The following PARD3B variants were observed in gnomAD, a reference collection of about 807,000 sequenced individuals.
PARD3B encodes par-3 family cell polarity regulator beta.
In PARD3B, 103 loss-of-function variants were observed where a neutral mutation model predicts 130.2. The observed-to-expected ratio is 0.79, with a 90% confidence interval of 0.67 to 0.93. The LOEUF is 0.93. Ranked by LOEUF, PARD3B falls within the 40% of genes least tolerant of loss-of-function variation. The probability of loss-of-function intolerance (pLI) is 0.00; values close to 1 mark genes in which losing one functional copy is unlikely to be tolerated. For synonymous variants in PARD3B, 583 were observed against 553.2 expected, an observed-to-expected ratio of 1.05 and a Z score of -0.76; for missense variants, 1,609 against 1,499.2, an observed-to-expected ratio of 1.07 and a Z score of -1.21.
intron 20 of PARD3B, among the ~76,000 whole-genome samples, chr2:205,466,248 A>G (rs943141821): frequency 6.6e-6 from 1 of 152,230 alleles, no homozygotes; most frequent in Non-Finnish European, 1.5e-5. Context: ...ACATGCAGCA[A>G]ATCTTTTTAT....
intron 2 of PARD3B, among the ~76,000 whole-genome samples, chr2:204,691,697 T>G (rs1189019197): frequency 6.6e-6 from 1 of 152,116 alleles, no homozygotes; most frequent in Admixed American, 6.6e-5. Context: ...ACTATGGTAG[T>G]GCTATTACAG....
chr2:205,047,081 C>T (rs1242980550), intron 3 of PARD3B, among the ~76,000 whole-genome samples: 4 of 152,120 alleles, frequency 2.6e-5, no homozygotes, highest in African/African-American at 9.7e-5. Context: ...TCTTTGTGTA[C>T]TTAAATAGGC....
chr2:204,955,973 A>G lies in PARD3B; in HGVS notation c.223-9179A>G, dbSNP rs142642016. 2.6e-5 allele frequency among the ~76,000 whole-genome samples: 4 copies of G among 152,240 alleles called. No individual in the cohort carries two copies. The East Asian group carries it at 5.8e-4, about 22-fold the overall frequency. ...AAAGTTTGACAATGTATGATGAAGA[A>G]CTTGAAGCTGGGCCAAGACCACACC... On this transcript the variant is annotated intron_variant, in intron 2 of 22. Coordinates refer to ENST00000406610, the MANE Select transcript of PARD3B (RefSeq NM_001302769.2).
At chr2:205,386,644 TAAGTA>T (rs1484029061) in intron 18 of PARD3B, among the ~76,000 whole-genome samples, 1 of 98,402 alleles carries the variant, frequency 1.0e-5, no homozygotes, top group Non-Finnish European at 2.0e-5. Context: ...AAACTTTAAT[TAAGTA>T]GAGTTTTTTT....
intron 2 of PARD3B, among the ~76,000 whole-genome samples, chr2:204,825,062 A>C (rs1036212366): frequency 1.3e-5 from 2 of 152,200 alleles, no homozygotes; most frequent in African/African-American, 4.8e-5. Context: ...AACCTGGGGC[A>C]AAAAATTAGA....
chr2:205,149,645 T>C (rs1054709574), intron 10 of PARD3B, among the ~76,000 whole-genome samples: 3 of 152,208 alleles, frequency 2.0e-5, no homozygotes, highest in Non-Finnish European at 4.4e-5. Context: ...CTCAGAGATA[T>C]CTGGCATCCC....
chr2:205,607,287 T>C (rs921343467), intron 22 of PARD3B, among the ~76,000 whole-genome samples: 9 of 152,076 alleles, frequency 5.9e-5, no homozygotes, highest in African/African-American at 2.2e-4. Flanking sequence ...TCCTGTTTTT[T>C]AGAAATGTGT....
chr2:205,135,944 C>A (rs1355381480), intron 10 of PARD3B, among the ~76,000 whole-genome samples: 1 of 152,070 alleles, frequency 6.6e-6, no homozygotes, highest in East Asian at 1.9e-4. Flanking sequence ...ATGTTTTATC[C>A]CAAATGTTAA....
intron 21 of PARD3B, among the ~76,000 whole-genome samples, chr2:205,508,555 G>A (rs1220601451): frequency 1.4e-5 from 2 of 140,558 alleles, no homozygotes; most frequent in Admixed American, 7.5e-5. Flanking sequence ...TCGGGCAACA[G>A]AGCAAGACCC....
At chr2:204,951,932 C>G (rs947298821) in intron 2 of PARD3B, among the ~76,000 whole-genome samples, 12 of 152,102 alleles carry the variant, frequency 7.9e-5, no homozygotes, top group Non-Finnish European at 1.2e-4. Flanking sequence ...AGTTTTTAAT[C>G]CTTGGTAATT....
intron 1 of PARD3B, among the ~76,000 whole-genome samples, chr2:204,572,948 G>A (rs530355760): frequency 4.6e-5 from 7 of 152,272 alleles, no homozygotes; most frequent in Non-Finnish European, 7.4e-5. Context: ...GGGAAATTGG[G>A]ATTTCAGAAG....
At chr2:205,047,243 G>A (rs1402823119) in intron 3 of PARD3B, among the ~76,000 whole-genome samples, 1 of 152,130 alleles carries the variant, frequency 6.6e-6, no homozygotes, top group African/African-American at 2.4e-5. Flanking sequence ...TCGTCTCCTG[G>A]ATAATCATTC....
At chr2:204,807,651 C>T (rs1182195211) in intron 2 of PARD3B, among the ~76,000 whole-genome samples, 1 of 152,046 alleles carries the variant, frequency 6.6e-6, no homozygotes, top group Non-Finnish European at 1.5e-5. Flanking sequence ...GTGCATTATT[C>T]AGCCATAAAA....
intron 2 of PARD3B, among the ~76,000 whole-genome samples, chr2:204,912,380 A>G (rs1372164161): frequency 6.6e-6 from 1 of 152,186 alleles, no homozygotes; most frequent in Non-Finnish European, 1.5e-5. Context: ...AATAAAGTAC[A>G]CAGCTGACCT....
At position 204,668,118 on chromosome 2, in the gene PARD3B, A is replaced by G. The variant is rs139961156; in HGVS notation, c.121-18063A>G. Among the ~76,000 whole-genome samples, 512 of 152,218 alleles carry G rather than the reference A, an allele frequency of 3.4e-3. 2 individuals are homozygous for G. Among genetic ancestry groups the G allele is most frequent in the African/African-American group, 0.012 (480 of 41,542 alleles). The stretch of plus-strand genomic sequence containing the variant: ...TGGAGGCATTCTAATCATTTCCCCA[A>G]TCTGAAAGGACTGAATAAGCAGGAG... On this transcript the variant is annotated intron_variant, in intron 1 of 22. Coordinates refer to ENST00000406610, the MANE Select transcript of PARD3B (RefSeq NM_001302769.2).
At chr2:205,371,628 A>T (rs2044821026) in intron 18 of PARD3B, among the ~76,000 whole-genome samples, 2 of 152,322 alleles carry the variant, frequency 1.3e-5, no homozygotes, top group Middle Eastern at 6.8e-3. Flanking sequence ...TCTTCCTTAG[A>T]AGATCCTGGA....
chr2:204,889,247 C>A (rs1258297950), intron 2 of PARD3B, among the ~76,000 whole-genome samples: 3 of 152,186 alleles, frequency 2.0e-5, no homozygotes, highest in African/African-American at 4.8e-5. Context: ...AGCTTGACTC[C>A]TTCTAAAGGT....
intron 3 of PARD3B, among the ~76,000 whole-genome samples, chr2:205,026,104 A>G (rs1697010113): frequency 6.6e-6 from 1 of 152,206 alleles, no homozygotes; most frequent in South Asian, 2.1e-4. Context: ...ACAAATGCAC[A>G]AGAGTCTCTC....
intron 2 of PARD3B, among the ~76,000 whole-genome samples, chr2:204,776,963 C>G (rs1415959339): frequency 6.6e-6 from 1 of 151,930 alleles, no homozygotes; most frequent in African/African-American, 2.4e-5. Context: ...ATAGCAATGC[C>G]TCTGTGAGAA....
Sources: gnomAD v4.1 joint callset for allele counts (sites outside exome capture counted in the v4.1 genomes callset) on GRCh38, gnomAD v4.1.1 for gene constraint, MANE v1.5 for transcripts, NCBI Gene and HGNC (gene_info 2026-07-23, HGNC 2026-07-21) for gene names.